Variants in TMEM150C observed in about 807,000 individuals in gnomAD.
TMEM150C encodes the protein tentonin 3.
In TMEM150C, 10 loss-of-function variants were observed where a neutral mutation model predicts 29.9. That is an observed-to-expected ratio of 0.33 (90% CI 0.21 to 0.57). The LOEUF is 0.57. Ranked by LOEUF, TMEM150C falls within the 20% of genes least tolerant of loss-of-function variation. TMEM150C has a pLI of 0.88. For missense variants in TMEM150C, 251 were observed against 303.6 expected, an observed-to-expected ratio of 0.83 and a Z score of 1.29; for synonymous variants, 101 against 112.5, an observed-to-expected ratio of 0.90 and a Z score of 0.64.
intron 6 of TMEM150C, among the ~76,000 whole-genome samples, chr4:82,492,864 G>GTGTGTA (rs71666742): frequency 1.6e-4 from 14 of 90,274 alleles, no homozygotes; most frequent in South Asian, 7.6e-4. Flanking sequence ...ATATGTTTGT[G>GTGTGTA]TATATATATA....
chr4:82,492,779 C>T (rs1578121059), intron 6 of TMEM150C, among the ~76,000 whole-genome samples: 3 of 126,628 alleles, frequency 2.4e-5, no homozygotes, highest in Non-Finnish European at 4.8e-5. Flanking sequence ...TTCACCAAGA[C>T]TATCCACTTC....
At chr4:82,513,602 G>A (rs1724200649) in intron 1 of TMEM150C, among the ~76,000 whole-genome samples, 1 of 152,008 alleles carries the variant, frequency 6.6e-6, no homozygotes, top group African/African-American at 2.4e-5. Context: ...AACTTGAAAA[G>A]CAGACTACAT....
At chr4:82,503,963 G>A (rs1723819018) in intron 2 of TMEM150C, among the ~76,000 whole-genome samples, 2 of 152,062 alleles carry the variant, frequency 1.3e-5, no homozygotes, top group African/African-American at 2.4e-5. Flanking sequence ...TGTCAAATTC[G>A]AAAATCTTGC....
intron 1 of TMEM150C, among the ~76,000 whole-genome samples, chr4:82,540,669 AAGAC>A (rs1445693403): frequency 1.1e-4 from 17 of 152,174 alleles, no homozygotes; most frequent in East Asian, 5.8e-4. Context: ...TCCTGACACA[AAGAC>A]AGGTTGATTT....
At chr4:82,486,090 C>T (rs888037380) in intron 7 of TMEM150C, among the ~76,000 whole-genome samples, 2 of 151,886 alleles carry the variant, frequency 1.3e-5, no homozygotes, top group African/African-American at 4.8e-5. Flanking sequence ...AAGTAACTTG[C>T]CTGAGGTCAC....
chr4:82,496,607 G>T (rs1723565903), intron 5 of TMEM150C, among the ~76,000 whole-genome samples: 6 of 152,150 alleles, frequency 3.9e-5, no homozygotes, highest in Admixed American at 3.9e-4. Flanking sequence ...CAGAGGCTTG[G>T]CACACAACAA....
At chr4:82,503,251 T>A in intron 2 of TMEM150C, 139 bp from the exon 3 acceptor site, 1 of 653,340 alleles carries the variant, frequency 1.5e-6, no homozygotes, top group East Asian at 2.8e-5. Context: ...TCTTTACCCA[T>A]AGATCATCTA....
chr4:82,539,023 C>T (rs1052351388), intron 1 of TMEM150C, among the ~76,000 whole-genome samples: 8 of 152,060 alleles, frequency 5.3e-5, no homozygotes, highest in African/African-American at 1.7e-4. Flanking sequence ...GCTGAGATCA[C>T]GCCACTGCAC....
intron 1 of TMEM150C, among the ~76,000 whole-genome samples, chr4:82,524,199 C>A (rs962001185): frequency 5.3e-5 from 8 of 151,324 alleles, no homozygotes; most frequent in African/African-American, 1.9e-4. Context: ...ACCCGGGGGG[C>A]GGAGCTTGCA....
intron 1 of TMEM150C, among the ~76,000 whole-genome samples, chr4:82,517,555 T>C (rs1290604386): frequency 6.6e-6 from 1 of 152,196 alleles, no homozygotes; most frequent in Non-Finnish European, 1.5e-5. Context: ...TTTCTTGCGC[T>C]GGAACACCCA....
At chr4:82,519,119 G>T (rs1173247846) in intron 1 of TMEM150C, among the ~76,000 whole-genome samples, 1 of 152,178 alleles carries the variant, frequency 6.6e-6, no homozygotes, top group African/African-American at 2.4e-5. Context: ...GAGGCAACCT[G>T]ACAGTAAAGA....
intron 5 of TMEM150C, among the ~76,000 whole-genome samples, chr4:82,498,404 C>T (rs1256039597): frequency 6.6e-6 from 1 of 152,202 alleles, no homozygotes; most frequent in Non-Finnish European, 1.5e-5. Flanking sequence ...ATTCTCCTGC[C>T]TCAGCCTCCT....
intron 1 of TMEM150C, among the ~76,000 whole-genome samples, chr4:82,512,385 A>G (rs1031837478): frequency 2.0e-5 from 3 of 152,234 alleles, no homozygotes; most frequent in Non-Finnish European, 4.4e-5. Flanking sequence ...CCAAACTTGT[A>G]ATGTGAATAA....
intron 1 of TMEM150C, among the ~76,000 whole-genome samples, chr4:82,560,967 T>C (rs566710559): frequency 3.3e-5 from 5 of 152,232 alleles, no homozygotes; most frequent in Non-Finnish European, 7.3e-5. Context: ...CTACCTGAGC[T>C]ATGTTCCCAC....
At chr4:82,495,866 T>C (rs1219063911) in intron 6 of TMEM150C, 4 of 623,210 alleles carry the variant, frequency 6.4e-6, no homozygotes, top group Non-Finnish European at 8.3e-6. Context: ...TGGCAGCCAA[T>C]GGCTAGGAAG....
chr4:82,504,826 C>T (rs151318519), intron 1 of TMEM150C, among the ~76,000 whole-genome samples, 159 bp from the exon 2 acceptor site: 7,087 of 152,104 alleles, frequency 0.047, 241 homozygotes, highest in East Asian at 0.11. Flanking sequence ...GTCAGGAGAT[C>T]GAGACCATCC....
At chr4:82,538,233 T>G (rs1417232489) in intron 1 of TMEM150C, among the ~76,000 whole-genome samples, 1 of 152,068 alleles carries the variant, frequency 6.6e-6, no homozygotes, top group Non-Finnish European at 1.5e-5. Flanking sequence ...AATTTTTGTG[T>G]TTTTAGTAGA....
In TMEM150C at chr4:82,537,198, G is replaced by A. The variant is rs969916124; in HGVS notation, c.-11+24708C>T. ...GATGGGGTTTCACTGTGTTAGCCAG[G>A]ATGGTCTCGATCTCCTGACCTTGTG... On this transcript the variant is annotated intron_variant, in intron 1 of 7. Transcript: ENST00000449862. Among the ~76,000 whole-genome samples, 3 of 152,060 alleles carry A rather than the reference G, an allele frequency of 2.0e-5. No homozygotes were observed. The South Asian group carries it at 6.2e-4, about 32-fold the overall frequency.
intron 5 of TMEM150C, 134 bp from the exon 6 acceptor site, chr4:82,496,329 T>C (rs1723558372): frequency 3.4e-6 from 3 of 872,098 alleles, no homozygotes; most frequent in Non-Finnish European, 5.1e-6. Context: ...AAAGCCGCAA[T>C]GTGCAAAATT....
Sources: gnomAD v4.1 joint callset for allele counts (sites outside exome capture counted in the v4.1 genomes callset) on GRCh38, gnomAD v4.1.1 for gene constraint, MANE v1.5 for transcripts, NCBI Gene and HGNC (gene_info 2026-07-23, HGNC 2026-07-21) for gene names.